KCNAB1: variants seen among roughly 807,000 people sequenced by gnomAD.
KCNAB1 encodes voltage-gated potassium channel subunit beta-1.
A neutral mutation model predicts 64.6 loss-of-function variants in KCNAB1; 35 were observed. The ratio of observed to expected loss-of-function variants is 0.54; its 90% CI spans 0.41 to 0.72. KCNAB1 has a LOEUF of 0.72. Ranked by LOEUF, KCNAB1 falls within the 30% of genes least tolerant of loss-of-function variation. KCNAB1 has a pLI of 0.00. For synonymous variants in KCNAB1, 177 were observed against 183.8 expected, an observed-to-expected ratio of 0.96 and a Z score of 0.30; for missense variants, 401 against 512.9, an observed-to-expected ratio of 0.78 and a Z score of 2.11.
intron 1 of KCNAB1, among the ~76,000 whole-genome samples, chr3:156,219,695 T>TTTTTTATTATTATTA (rs1364657333): frequency 6.8e-6 from 1 of 146,740 alleles, no homozygotes; most frequent in African/African-American, 2.5e-5. Flanking sequence ...AAGGAATCTT[T>TTTTTTATTATTATTA]TTATTATTAT....
intron 1 of KCNAB1, among the ~76,000 whole-genome samples, chr3:156,220,468 GTGA>G (rs1715642140): frequency 1.3e-5 from 2 of 152,222 alleles, no homozygotes; most frequent in African/African-American, 2.4e-5. Flanking sequence ...CTGATGACCA[GTGA>G]TGATGAGCAT....
At chr3:156,347,555 G>A (rs1724566054) in intron 1 of KCNAB1, among the ~76,000 whole-genome samples, 1 of 151,786 alleles carries the variant, frequency 6.6e-6, no homozygotes, top group Admixed American at 6.6e-5. Flanking sequence ...CCACCAGTTA[G>A]CACATTTTAT....
rs147702867 is a variant in KCNAB1, at chr3:156,328,355, C to A, written c.276-93261C>A. Among the ~76,000 whole-genome samples, 21 of 152,190 alleles carry A rather than the reference C, an allele frequency of 1.4e-4. No individual in the cohort carries two copies. In the East Asian group the frequency reaches 3.9e-3, roughly 28 times the overall value. On this transcript the variant is annotated intron_variant, in intron 1 of 13. Transcript: ENST00000490337. ...AAGCTTGGAGGTTGGATTGAAAGAA[C>A]GTGTCGTTTCTGGGAAAACTACAAT... is the stretch of plus-strand genomic sequence containing the variant.
intron 2 of KCNAB1, among the ~76,000 whole-genome samples, chr3:156,426,247 C>T (rs915322777): frequency 7.2e-5 from 11 of 152,180 alleles, no homozygotes; most frequent in Non-Finnish European, 1.0e-4. Flanking sequence ...CTCTTCCTTC[C>T]ACCTGCCACA....
At chr3:156,428,287 T>G (rs1715963978) in intron 2 of KCNAB1, among the ~76,000 whole-genome samples, 1 of 152,186 alleles carries the variant, frequency 6.6e-6, no homozygotes, top group South Asian at 2.1e-4. Flanking sequence ...AATTCCTGCC[T>G]GACCATTTCA....
chr3:156,316,217 A>T (rs1408078490), intron 1 of KCNAB1, among the ~76,000 whole-genome samples: 2 of 152,196 alleles, frequency 1.3e-5, no homozygotes, highest in Admixed American at 1.3e-4. Flanking sequence ...AGGCACAGAG[A>T]AGCCAGGTGG....
chr3:156,538,560 AT>A lies in KCNAB1; in HGVS notation c.*1816del, dbSNP rs1719231585. On this transcript the variant is annotated 3_prime_UTR_variant, in exon 14 of 14. Coordinates refer to ENST00000490337, the MANE Select transcript of KCNAB1 (RefSeq NM_172160.3). ...TCTAATGGGAAATGTGATTTGATTG[AT>A]TTATTTGCTTAGAGTAATAAAAGCA... The A allele has an allele frequency of 6.7e-6, 1 of 149,850 alleles. No homozygotes were observed. The highest frequency in any genetic ancestry group is 2.4e-5 in the African/African-American group (1 of 41,230). 9.3% of individuals were successfully genotyped at this position (149,850 alleles called of 1,614,324 possible).
At chr3:156,142,981 G>C in intron 1 of KCNAB1, 3 of 1,268,520 alleles carry the variant, frequency 2.4e-6, no homozygotes, top group Admixed American at 3.9e-5. Flanking sequence ...CCTGGGCAGG[G>C]ACACACAACC....
chr3:156,155,399 A>G (rs1210323301), intron 1 of KCNAB1, among the ~76,000 whole-genome samples: 1 of 152,258 alleles, frequency 6.6e-6, no homozygotes, highest in Non-Finnish European at 1.5e-5. Flanking sequence ...AATAAAATTT[A>G]TAATACTTTA....
chr3:156,148,979 C>T (rs527523233), intron 1 of KCNAB1, among the ~76,000 whole-genome samples: 1 of 152,152 alleles, frequency 6.6e-6, no homozygotes, highest in South Asian at 2.1e-4. Context: ...ATAAATAACT[C>T]TTCAAACGAT....
rs563386208 is a variant in KCNAB1, at chr3:156,158,172, A to T, written c.275+37286A>T. Among the ~76,000 whole-genome samples, 536 of 71,500 alleles carry T rather than the reference A, an allele frequency of 7.5e-3. 13 individuals carry two copies. Among genetic ancestry groups the T allele is most frequent in the African/African-American group, 0.029 (501 of 17,304 alleles). The allele number at this position is 71,500 out of a possible 152,430, so 46.9% of individuals were successfully genotyped here. ...AGAGCGAAACTCTGTCTCAAAAAAA[A>T]AAATAAAAAATAAATAAATAAATAA... On this transcript the variant is annotated intron_variant, in intron 1 of 13. Coordinates refer to ENST00000490337, the MANE Select transcript of KCNAB1 (RefSeq NM_172160.3).
At chr3:156,298,461 A>G (rs925847052) in intron 1 of KCNAB1, among the ~76,000 whole-genome samples, 3 of 152,242 alleles carry the variant, frequency 2.0e-5, no homozygotes, top group Non-Finnish European at 4.4e-5. Flanking sequence ...TCTTTTTTAA[A>G]AATTCTGCAA....
chr3:156,179,444 C>T (rs1366056979), intron 1 of KCNAB1, among the ~76,000 whole-genome samples: 1 of 105,600 alleles, frequency 9.5e-6, no homozygotes, highest in Non-Finnish European at 2.1e-5. Flanking sequence ...TCACCCCCTG[C>T]GTTCTTCCCC....
At chr3:156,176,156 C>T (rs999108746) in intron 1 of KCNAB1, 2 of 771,560 alleles carry the variant, frequency 2.6e-6, no homozygotes, top group Admixed American at 3.4e-5. Context: ...ACTGTATTGT[C>T]CATTGCATTG....
chr3:156,203,362 G>C (rs1714464728), intron 1 of KCNAB1, among the ~76,000 whole-genome samples: 1 of 152,188 alleles, frequency 6.6e-6, no homozygotes, highest in South Asian at 2.1e-4. Flanking sequence ...TGATGATCTA[G>C]AGGAGCTCAC....
intron 1 of KCNAB1, among the ~76,000 whole-genome samples, chr3:156,317,962 G>A (rs1722387801): frequency 6.6e-6 from 1 of 152,148 alleles, no homozygotes. Flanking sequence ...TGAAATTTTA[G>A]GCAGGTAGTT....
chr3:156,346,002 A>C (rs1487816747), intron 1 of KCNAB1, among the ~76,000 whole-genome samples: 1 of 152,104 alleles, frequency 6.6e-6, no homozygotes, highest in South Asian at 2.1e-4. Flanking sequence ...ACAAGCTTAA[A>C]TTAGATGAAT....
intron 1 of KCNAB1, among the ~76,000 whole-genome samples, chr3:156,227,341 G>T (rs1437872577): frequency 6.6e-6 from 1 of 152,134 alleles, no homozygotes; most frequent in African/African-American, 2.4e-5. Context: ...TGTTCTCAAA[G>T]GTATTTAATA....
chr3:156,206,285 T>C (rs1714657284), intron 1 of KCNAB1, among the ~76,000 whole-genome samples: 1 of 152,214 alleles, frequency 6.6e-6, no homozygotes, highest in African/African-American at 2.4e-5. Context: ...TAAGAATATT[T>C]CACTTTCCTG....
Sources: gnomAD v4.1 joint callset for allele counts (sites outside exome capture counted in the v4.1 genomes callset) on GRCh38, gnomAD v4.1.1 for gene constraint, MANE v1.5 for transcripts, NCBI Gene and HGNC (gene_info 2026-07-23, HGNC 2026-07-21) for gene names.